The following PRIMPOL variants were observed in gnomAD, a reference collection of about 807,000 sequenced individuals.
The protein encoded by PRIMPOL is primase and DNA directed polymerase.
Under a neutral mutation model 63.6 loss-of-function variants are expected in PRIMPOL, and 54 were observed. That is an observed-to-expected ratio of 0.85 (90% CI 0.68 to 1.07). The LOEUF (loss-of-function observed/expected upper bound fraction) is 1.07, where lower values mean the gene tolerates loss of function less well. PRIMPOL is among the 50% of genes least tolerant of loss of function. The pLI is 0.00. For synonymous variants in PRIMPOL, 197 were observed against 220.2 expected, an observed-to-expected ratio of 0.89 and a Z score of 0.93; for missense variants, 610 against 648.3, an observed-to-expected ratio of 0.94 and a Z score of 0.64.
chr4:184,661,437 T>G (rs182269801), intron 4 of PRIMPOL, among the ~76,000 whole-genome samples: 2 of 152,352 alleles, frequency 1.3e-5, no homozygotes, highest in East Asian at 3.9e-4. Flanking sequence ...CTGGGCGTGG[T>G]GGCTCATGTC....
intron 6 of PRIMPOL, among the ~76,000 whole-genome samples, chr4:184,671,804 G>A (rs1226588515): frequency 5.5e-5 from 8 of 145,156 alleles, no homozygotes; most frequent in East Asian, 2.1e-4. Context: ...GTGCAGTGGC[G>A]CGATCTTGGC....
chr4:184,691,831 A>T, intron 13 of PRIMPOL, 119 bp downstream of exon 13: 2 of 719,694 alleles, frequency 2.8e-6, no homozygotes, highest in Non-Finnish European at 4.8e-6. Context: ...GTTTTCACTT[A>T]TGACTGTATT....
intron 7 of PRIMPOL, among the ~76,000 whole-genome samples, chr4:184,673,222 C>T (rs1310553545): frequency 1.3e-5 from 2 of 151,464 alleles, no homozygotes; most frequent in Non-Finnish European, 2.9e-5. Context: ...CTCCGCCTCC[C>T]GGGTTCACGC....
At chr4:184,691,789 T>A in intron 13 of PRIMPOL, 77 bp downstream of exon 13, 1 of 1,100,672 alleles carries the variant, frequency 9.1e-7, no homozygotes, top group East Asian at 2.4e-5. Flanking sequence ...ATGAGTAGTG[T>A]CCAAATAGCA....
In PRIMPOL at chr4:184,657,133, C is replaced by A; in HGVS notation, c.-8C>A. 6.2e-7 allele frequency: 1 copy of A among 1,601,424 alleles called. No homozygotes were observed. The highest frequency in any genetic ancestry group is 8.5e-7 in the Non-Finnish European group (1 of 1,174,302). On this transcript the variant is annotated 5_prime_UTR_variant, in exon 3 of 14. It adds an upstream start codon to the 5' untranslated region. Coordinates refer to ENST00000314970, the MANE Select transcript of PRIMPOL (RefSeq NM_152683.4). ...GATAGGATTTATTCTCTCCACACTT[C>A]TGAACCAATGAATAGAAAATGGGAA...
chr4:184,690,266 CAA>C (rs1397358936), intron 11 of PRIMPOL, among the ~76,000 whole-genome samples: 1 of 152,148 alleles, frequency 6.6e-6, no homozygotes, highest in Admixed American at 6.5e-5. Flanking sequence ...CAAAAACTTT[CAA>C]AGTTACTGGC....
At chr4:184,651,164 A>T (rs2705880) in intron 1 of PRIMPOL, among the ~76,000 whole-genome samples, 1 of 151,762 alleles carries the variant, frequency 6.6e-6, no homozygotes, top group African/African-American at 2.4e-5. Context: ...AGTGGTGGGC[A>T]CCTGTAATCC....
At chr4:184,652,371 G>A (rs150419000) in intron 2 of PRIMPOL, among the ~76,000 whole-genome samples, 1 of 150,720 alleles carries the variant, frequency 6.6e-6, no homozygotes, top group African/African-American at 2.4e-5. Flanking sequence ...TGTTTGGATG[G>A]GAGATCCTGT....
At chr4:184,672,794 T>A (rs1397212967) in intron 7 of PRIMPOL, among the ~76,000 whole-genome samples, 1 of 152,122 alleles carries the variant, frequency 6.6e-6, no homozygotes, top group Non-Finnish European at 1.5e-5. Context: ...AGTACAGAAA[T>A]TTAAAAAACA....
chr4:184,662,745 GT>G (rs1748710258), intron 5 of PRIMPOL, among the ~76,000 whole-genome samples: 1 of 151,892 alleles, frequency 6.6e-6, no homozygotes, highest in Non-Finnish European at 1.5e-5. Context: ...AGATTAAAAT[GT>G]TTTTGATAAA....
At chr4:184,678,184 AATAAC>A in intron 7 of PRIMPOL, 43 bp from the exon 8 acceptor site, 1 of 1,275,966 alleles carries the variant, frequency 7.8e-7, no homozygotes, top group South Asian at 1.5e-5. Context: ...CTATGAAACT[AATAAC>A]AGAAAACATG....
At position 184,694,520 on chromosome 4, in the gene PRIMPOL, A is replaced by C. The variant is rs1175567666; in HGVS notation, c.1426-2A>C. 6.2e-7 allele frequency: 1 copy of C among 1,607,532 alleles called. No homozygotes were observed. The highest frequency in any genetic ancestry group is 1.3e-5 in the African/African-American group (1 of 74,146). ...CTCTATCCCTTCACCACTGAAATAA[A>C]GGAAGAAGAGTTTACAACAGATGAA... On this transcript the variant is annotated splice_acceptor_variant, in intron 13 of 13. Coordinates refer to ENST00000314970, the MANE Select transcript of PRIMPOL (RefSeq NM_152683.4). LOFTEE classifies it high-confidence loss of function.
intron 1 of PRIMPOL, among the ~76,000 whole-genome samples, chr4:184,651,756 C>T (rs1412612496): frequency 6.6e-6 from 1 of 152,140 alleles, no homozygotes; most frequent in Non-Finnish European, 1.5e-5. Context: ...TCACATGATT[C>T]TCCTGCCTCA....
chr4:184,674,666 A>G (rs1387349721), intron 7 of PRIMPOL, among the ~76,000 whole-genome samples: 2 of 152,230 alleles, frequency 1.3e-5, no homozygotes, highest in African/African-American at 4.8e-5. Flanking sequence ...TTGATAACAT[A>G]AACAGTTGAT....
chr4:184,666,091 T>C (rs771300406), intron 6 of PRIMPOL, 27 bp downstream of exon 6: 1 of 1,545,956 alleles, frequency 6.5e-7, no homozygotes, highest in Admixed American at 2.0e-5. Context: ...TTAAAAATCA[T>C]GGAGTTGTAT....
chr4:184,694,150 A>T, intron 13 of PRIMPOL: 2 of 878,890 alleles, frequency 2.3e-6, no homozygotes, highest in Non-Finnish European at 2.8e-6. Context: ...TTTAAAATTT[A>T]AAGCATGGGT....
intron 11 of PRIMPOL, among the ~76,000 whole-genome samples, chr4:184,689,211 G>A (rs76423338): frequency 1.7e-3 from 263 of 150,946 alleles, no homozygotes; most frequent in African/African-American, 6.2e-3. Context: ...GACTACAGGT[G>A]TGCCACCATG....
chr4:184,678,687 C>T (rs1437929615), intron 8 of PRIMPOL, among the ~76,000 whole-genome samples: 1 of 151,878 alleles, frequency 6.6e-6, no homozygotes, highest in African/African-American at 2.4e-5. Flanking sequence ...GCCACCACAC[C>T]CGGCTAATTT....
At position 184,693,053 on chromosome 4, in the gene PRIMPOL, TAAAAG is replaced by T. The variant is rs765913781; in HGVS notation, c.1425+1344_1425+1348del. Among the ~76,000 whole-genome samples, 3 of 152,302 alleles carry T rather than the reference TAAAAG, an allele frequency of 2.0e-5. No individual in the cohort carries two copies. The South Asian group carries it at 6.2e-4, about 32-fold the overall frequency. ...TTTCTCCTCTATAGTGTTAATAGAATAAAAGAAGTTACCTGCTACAAGCAGAACAG... is the reference window on the plus strand; with the variant it reads ...TTTCTCCTCTATAGTGTTAATAGAATAAGTTACCTGCTACAAGCAGAACAG... On this transcript the variant is annotated intron_variant, in intron 13 of 13. Transcript: ENST00000314970.
Sources: allele counts gnomAD v4.1 joint callset (sites outside exome capture counted in the v4.1 genomes callset), GRCh38; gene constraint gnomAD v4.1.1; transcripts MANE v1.5; gene names NCBI Gene and HGNC (gene_info 2026-07-23, HGNC 2026-07-21).